The following ARID5B variants were observed in gnomAD, a reference collection of about 807,000 sequenced individuals.
The protein encoded by ARID5B is AT-rich interactive domain-containing protein 5B.
Under a neutral mutation model 97.2 loss-of-function variants are expected in ARID5B, and 13 were observed. The observed-to-expected ratio is 0.13, with a 90% CI of 0.09 to 0.21. The LOEUF is 0.21. ARID5B is among the 10% of genes least tolerant of loss of function. The pLI, the probability that ARID5B is intolerant of heterozygous loss-of-function variation, is 1.00. For synonymous variants in ARID5B, 556 were observed against 570.3 expected, an observed-to-expected ratio of 0.97 and a Z score of 0.36; for missense variants, 1,210 against 1,465.3, an observed-to-expected ratio of 0.83 and a Z score of 2.84.
At chr10:62,049,605 G>A (rs77064842) in intron 4 of ARID5B, 2 of 1,367,566 alleles carry the variant, frequency 1.5e-6, no homozygotes, top group Non-Finnish European at 2.0e-6. Context: ...AGGAGAGAGC[G>A]GGTGTGGGAA....
intron 3 of ARID5B, among the ~76,000 whole-genome samples, chr10:61,995,478 T>C (rs574803836): frequency 3.9e-5 from 6 of 152,306 alleles, no homozygotes; most frequent in South Asian, 2.1e-4. Flanking sequence ...TTGAACACTT[T>C]AGTATTTTTA....
intron 7 of ARID5B, among the ~76,000 whole-genome samples, chr10:62,063,975 A>G (rs1839955067): frequency 6.6e-6 from 1 of 152,188 alleles, no homozygotes; most frequent in African/African-American, 2.4e-5. Flanking sequence ...GAGAGAAGGT[A>G]GAGTTGGGAA....
intron 4 of ARID5B, among the ~76,000 whole-genome samples, chr10:62,045,209 C>T (rs1206058488): frequency 1.3e-5 from 2 of 152,148 alleles, no homozygotes; most frequent in Non-Finnish European, 2.9e-5. Context: ...TCATTACACC[C>T]ATAAATTTTA....
intron 9 of ARID5B, among the ~76,000 whole-genome samples, chr10:62,089,697 T>G (rs1001839905): frequency 6.6e-6 from 1 of 151,994 alleles, no homozygotes; most frequent in Admixed American, 6.6e-5. Context: ...CTGGCTAATT[T>G]TTGTTTTTTT....
Position 62,092,053 on chromosome 10 carries a change from G to A in ARID5B, c.2590G>A (p.Glu864Lys), listed in dbSNP as rs562277394. The change falls in exon 10 of 10, where the codon GAA (glutamate) becomes AAA (lysine). Residue 864 changes from glutamate (E) to lysine (K), a missense_variant. By Grantham distance (56) the Glu-to-Lys change is moderately conservative (BLOSUM62 1). Coordinates refer to ENST00000279873, the MANE Select transcript of ARID5B (RefSeq NM_032199.3). ...SKYPSRDMYR[E>K]SENSSFPSHR... Reference sequence around the variant, plus strand: ...ATACCCTTCCAGGGACATGTACAGGGAATCGGAAAACAGTTCTTTTCCTTC... The same window carrying A: ...ATACCCTTCCAGGGACATGTACAGGAAATCGGAAAACAGTTCTTTTCCTTC... 1.3e-4 allele frequency: 209 copies of A among 1,614,016 alleles called. No individual in the cohort carries two copies. The highest frequency in any genetic ancestry group is 1.7e-4 in the Non-Finnish European group (198 of 1,179,992).
At chr10:61,904,996 C>G (rs998905923) in intron 2 of ARID5B, among the ~76,000 whole-genome samples, 4 of 152,230 alleles carry the variant, frequency 2.6e-5, no homozygotes, top group South Asian at 2.1e-4. Flanking sequence ...CTGCTGGCAC[C>G]TAGAGGGGGC....
intron 4 of ARID5B, among the ~76,000 whole-genome samples, chr10:62,042,992 A>G (rs183640054): frequency 1.3e-5 from 2 of 152,068 alleles, no homozygotes; most frequent in African/African-American, 4.8e-5. Context: ...CCTCAGGAAA[A>G]CCTAGGCTGT....
chr10:62,008,897 A>G (rs991396143), intron 4 of ARID5B, among the ~76,000 whole-genome samples: 18 of 152,190 alleles, frequency 1.2e-4, no homozygotes, highest in African/African-American at 4.3e-4. Flanking sequence ...CTTAGAATGC[A>G]TTGGCTTTCC....
At chr10:61,915,652 G>A (rs1843888805) in intron 2 of ARID5B, among the ~76,000 whole-genome samples, 1 of 152,164 alleles carries the variant, frequency 6.6e-6, no homozygotes, top group South Asian at 2.1e-4. Context: ...TAGAGCTAAT[G>A]TACATCATTT....
chr10:61,980,613 G>A (rs1248620040), intron 3 of ARID5B, among the ~76,000 whole-genome samples: 2 of 152,158 alleles, frequency 1.3e-5, no homozygotes, highest in African/African-American at 4.8e-5. Context: ...TAACCATCTT[G>A]GAAAAATAGC....
At chr10:62,003,857 CTGTTTTAATGT>C (rs1184102634) in intron 4 of ARID5B, among the ~76,000 whole-genome samples, 1 of 152,164 alleles carries the variant, frequency 6.6e-6, no homozygotes, top group African/African-American at 2.4e-5. Flanking sequence ...ATCCCCACTG[CTGTTTTAATGT>C]TGTCCACTGA....
intron 3 of ARID5B, among the ~76,000 whole-genome samples, chr10:61,958,439 G>T (rs574374391): frequency 6.6e-6 from 1 of 151,966 alleles, no homozygotes; most frequent in African/African-American, 2.4e-5. Flanking sequence ...TCTTGGCCAG[G>T]CTGGTCTAGA....
chr10:61,983,358 T>C (rs1438759268), intron 3 of ARID5B, among the ~76,000 whole-genome samples: 1 of 152,228 alleles, frequency 6.6e-6, no homozygotes, highest in Non-Finnish European at 1.5e-5. Context: ...GTGATTTTCT[T>C]AAATCGGAGG....
chr10:61,969,701 T>G (rs922988962), intron 3 of ARID5B, among the ~76,000 whole-genome samples: 1 of 152,162 alleles, frequency 6.6e-6, no homozygotes, highest in Admixed American at 6.6e-5. Flanking sequence ...TAGTGACACT[T>G]TACCCAACCA....
chr10:61,927,154 C>G (rs573296465), intron 2 of ARID5B, among the ~76,000 whole-genome samples: 6 of 152,246 alleles, frequency 3.9e-5, no homozygotes, highest in African/African-American at 1.4e-4. Context: ...CACTTGCCCT[C>G]CCTTCATTTT....
At chr10:61,985,672 G>A (rs904377973) in intron 3 of ARID5B, among the ~76,000 whole-genome samples, 9 of 152,002 alleles carry the variant, frequency 5.9e-5, no homozygotes, top group Non-Finnish European at 1.0e-4. Flanking sequence ...ATATGTAATC[G>A]TATCATTTTT....
chr10:62,051,145 G>A (rs1032558328), intron 5 of ARID5B, 145 bp downstream of exon 5: 1 of 758,880 alleles, frequency 1.3e-6, no homozygotes, highest in Non-Finnish European at 2.3e-6. Context: ...GCTCTATGCT[G>A]TGCCTGTTCC....
chr10:62,081,323 AC>A (rs1470007724), intron 8 of ARID5B, among the ~76,000 whole-genome samples: 1 of 152,222 alleles, frequency 6.6e-6, no homozygotes, highest in Non-Finnish European at 1.5e-5. Flanking sequence ...TCAGTTCCAG[AC>A]ATTATTGTAA....
At chr10:62,073,451 G>C (rs1486336882) in intron 8 of ARID5B, among the ~76,000 whole-genome samples, 2 of 152,162 alleles carry the variant, frequency 1.3e-5, no homozygotes, top group Non-Finnish European at 2.9e-5. Context: ...AAGAATCAAT[G>C]GGTGTTTTTA....
Sources: gnomAD v4.1 joint callset for allele counts (sites outside exome capture counted in the v4.1 genomes callset) on GRCh38, gnomAD v4.1.1 for gene constraint, MANE v1.5 for transcripts, NCBI Gene and HGNC (gene_info 2026-07-23, HGNC 2026-07-21) for gene names.